Variants in FAM120AOS observed in about 807,000 individuals in gnomAD.
FAM120AOS encodes family with sequence similarity 120 member A opposite strand.
In FAM120AOS, 15 loss-of-function variants were observed where a neutral mutation model predicts 20.2. That is an observed-to-expected ratio of 0.74 (90% CI 0.50 to 1.15). FAM120AOS has a LOEUF of 1.15. Ranked by LOEUF, FAM120AOS falls within the 50% of genes most tolerant of loss-of-function variation. FAM120AOS has a pLI of 0.00. For missense variants in FAM120AOS, 327 were observed against 351.9 expected (o/e 0.93, Z 0.57); for synonymous variants, 154 against 154.0 (o/e 1.00, Z 0.00).
At position 93,452,566 on chromosome 9, in the gene FAM120AOS, G is replaced by A; in HGVS notation, c.144C>T (p.Gly48=). The A allele has an allele frequency of 6.3e-7, 1 of 1,590,426 alleles. No homozygotes were observed. Among genetic ancestry groups the A allele is most frequent in the Non-Finnish European group, 8.5e-7 (1 of 1,175,414 alleles). ...GCAAGATGGATGGCCGCGGGTGCAG[G>A]CCGCGCGCTGCCCAAGCCCGTCTCC... is the stretch of plus-strand genomic sequence containing the variant. ...DSWRRAWAAR[G]LHPRPSILQP... is the part of the protein sequence containing the mutation. Residue 48 remains glycine, a synonymous_variant, in exon 1 of 3, where the codon GGC becomes GGT. Coordinates refer to ENST00000375412, the MANE Select transcript of FAM120AOS (RefSeq NM_198841.4). This position sits in a 1 kb window ranked among gnomAD's most constrained non-coding sequence, Gnocchi z 7.0.
rs779895329 is a variant in FAM120AOS, at chr9:93,452,225, C to T, written c.485G>A (p.Arg162Gln). 1 of 1,611,286 alleles carries T rather than the reference C, an allele frequency of 6.2e-7. No homozygotes were observed. The change falls in exon 1 of 3, where the codon CGG (arginine) becomes CAG (glutamine). Residue 162 changes from arginine (R) to glutamine (Q), a missense_variant. By Grantham distance (43) the Arg-to-Gln change is conservative. This residue lies in a region of FAM120AOS where 86 missense variants were observed against 140.2 expected (regional missense o/e 0.61). Transcript: ENST00000375412. This position sits in a 1 kb window ranked among gnomAD's most constrained non-coding sequence, Gnocchi z 7.0. The part of the protein sequence containing the change: ...LPCRLTHSCS[R>Q]AFSSAPLKKT... ...CTTCAACGGCGCGCTCGAGAAGGCC[C>T]GGCTGCACGAGTGGGTCAAGCGGCA...
chr9:93,447,698 C>T lies in FAM120AOS; in HGVS notation c.685-1G>A. On this transcript the variant is annotated splice_acceptor_variant, in intron 2 of 2. Transcript: ENST00000375412. LOFTEE classifies it high-confidence loss of function. ...TATTGACAGAACAGCTTCTGGAAAT[C>T]TGAAAAGAAAAAAAAAAAGGTAGTT... 1.9e-6 allele frequency: 3 copies of T among 1,596,184 alleles called. No homozygotes were observed. The highest frequency in any genetic ancestry group is 1.8e-5 in the Admixed American group (1 of 56,746).
intron 1 of FAM120AOS, chr9:93,450,935 T>G (rs1857129631): frequency 1.4e-5 from 18 of 1,294,678 alleles, no homozygotes; most frequent in Middle Eastern, 1.8e-4. Context: ...TTTCCCACGC[T>G]GCAACAGACC....
At position 93,453,105 on chromosome 9, in the gene FAM120AOS, CT is replaced by C; in HGVS notation, c.-397del. 1 of 1,028,648 alleles carries C rather than the reference CT, an allele frequency of 9.7e-7. No individual in the cohort carries two copies. The highest frequency in any genetic ancestry group is 1.2e-6 in the Non-Finnish European group (1 of 858,220). The allele number at this position is 1,028,648 out of a possible 1,614,324, so 63.7% of individuals were successfully genotyped here. A position where few individuals can be genotyped will look rare whatever the true frequency, so the allele number is the denominator to read the frequency against. ...GACTTCACGTCCGTGTGAAAGAGGT[CT>C]TTAAGGCAGTTCGGTTTTGTAGATC... On this transcript the variant is annotated 5_prime_UTR_variant, in exon 1 of 3. The change creates a premature stop within an existing upstream ORF in the 5' untranslated region. Transcript: ENST00000375412.
Position 93,452,881 on chromosome 9 carries a change from G to A in FAM120AOS, c.-172C>T. On this transcript the variant is annotated 5_prime_UTR_variant, in exon 1 of 3. Transcript: ENST00000375412. The surrounding 1 kb of genome is among the most constrained non-coding windows in gnomAD (Gnocchi z 7.0). ...GGGGGCTGCAAATATCAGTGCTGCT[G>A]CCGCCGCCCTTGCCAATGTTGTTAG... is the stretch of plus-strand genomic sequence containing the variant. 8 of 1,450,384 alleles carry A rather than the reference G, an allele frequency of 5.5e-6. No individual in the cohort carries two copies. The Admixed American group carries it at 8.5e-5, about 15-fold the overall frequency. The allele number at this position is 1,450,384 out of a possible 1,614,324, so 89.8% of individuals were successfully genotyped here.
At chr9:93,451,168 G>T (rs1857156192) in intron 1 of FAM120AOS, 16 of 1,549,918 alleles carry the variant, frequency 1.0e-5, no homozygotes, top group Non-Finnish European at 1.3e-5. Context: ...CCGCTCTCCC[G>T]GACCCCGCAG....
chr9:93,451,239 C>T, intron 1 of FAM120AOS: 1 of 1,521,438 alleles, frequency 6.6e-7, no homozygotes, highest in Non-Finnish European at 8.8e-7. Flanking sequence ...AAGGCGGCGT[C>T]CCGACGAACA....
chr9:93,452,712 T>C lies in FAM120AOS; in HGVS notation c.-3A>G, dbSNP rs764053410. The stretch of plus-strand genomic sequence containing the variant: ...CCAATATCCTTAGTTTTTCCCATCC[T>C]ATTTGAGGCGGGCAGGCTATCACTC... On this transcript the variant is annotated 5_prime_UTR_variant, in exon 1 of 3. It adds an upstream start codon to the 5' untranslated region. Transcript: ENST00000375412. This position sits in a 1 kb window ranked among gnomAD's most constrained non-coding sequence, Gnocchi z 7.0. 2.5e-6 allele frequency: 4 copies of C among 1,598,502 alleles called. No homozygotes were observed. The highest frequency in any genetic ancestry group is 3.4e-6 in the Non-Finnish European group (4 of 1,179,850).
chr9:93,451,727 T>G, intron 1 of FAM120AOS: 1 of 970,404 alleles, frequency 1.0e-6, no homozygotes, highest in Non-Finnish European at 1.2e-6. Flanking sequence ...GGCAGGTCCC[T>G]CCCCAGACAT....
chr9:93,451,482 G>A (rs1857188214), intron 1 of FAM120AOS: 3 of 1,065,306 alleles, frequency 2.8e-6, no homozygotes, highest in Admixed American at 5.0e-5. Flanking sequence ...GCCTGCTCCG[G>A]CTCAGAAGCC....
At position 93,452,904 on chromosome 9, in the gene FAM120AOS, T is replaced by G; in HGVS notation, c.-195A>C. 2 of 1,435,182 alleles carry G rather than the reference T, an allele frequency of 1.4e-6. No homozygotes were observed. Among genetic ancestry groups the G allele is most frequent in the Non-Finnish European group, 9.1e-7 (1 of 1,102,308 alleles). The allele number at this position is 1,435,182 out of a possible 1,614,324, so 88.9% of individuals were successfully genotyped here. ...CTGCCGCCGCCCTTGCCAATGTTGTTAGCCCGGTGACAGCGAGACGTGTCT... is the reference window on the plus strand; with the variant it reads ...CTGCCGCCGCCCTTGCCAATGTTGTGAGCCCGGTGACAGCGAGACGTGTCT... On this transcript the variant is annotated 5_prime_UTR_variant, in exon 1 of 3. Coordinates refer to ENST00000375412, the MANE Select transcript of FAM120AOS (RefSeq NM_198841.4). The surrounding 1 kb of genome is among the most constrained non-coding windows in gnomAD (Gnocchi z 7.0).
chr9:93,451,527 C>T, intron 1 of FAM120AOS: 1 of 992,358 alleles, frequency 1.0e-6, no homozygotes, highest in African/African-American at 1.7e-5. Context: ...TCCGGGCCTC[C>T]GCCTCCGCCG....
rs565152529 is a variant in FAM120AOS at position 93,445,753 on chromosome 9, A to T, written c.*1858T>A. Among the ~76,000 whole-genome samples, 20 of 151,986 alleles carry T rather than the reference A, an allele frequency of 1.3e-4. No individual in the cohort carries two copies. Among genetic ancestry groups the T allele is most frequent in the Non-Finnish European group, 2.6e-4 (18 of 67,968 alleles). The stretch of plus-strand genomic sequence containing the variant: ...CTACAGGTGCACACCTCACCTGGCT[A>T]ATTTTTGGATTTTTTGTAGACAATG... On this transcript the variant is annotated 3_prime_UTR_variant, in exon 3 of 3. Transcript: ENST00000375412.
intron 2 of FAM120AOS, 148 bp downstream of exon 2, chr9:93,450,331 A>C: frequency 8.1e-7 from 1 of 1,229,772 alleles, no homozygotes; most frequent in Non-Finnish European, 1.1e-6. Flanking sequence ...TTTGTGACTA[A>C]TTTTATGCAT....
chr9:93,450,989 G>C, intron 1 of FAM120AOS: 1 of 1,525,450 alleles, frequency 6.6e-7, no homozygotes, highest in Non-Finnish European at 8.9e-7. Flanking sequence ...AGGCGCTTAG[G>C]GCTACCTGTA....
rs1856854757 is a variant in FAM120AOS, at chr9:93,446,683, C to A, written c.*928G>T. On this transcript the variant is annotated 3_prime_UTR_variant, in exon 3 of 3. Transcript: ENST00000375412. ...TCCATAGCAGCTCTCACTGCCCACC[C>A]TGCTTGAGAAGCCTCTTGGAGTTGC... The A allele has an allele frequency of 6.6e-6, 1 of 152,178 alleles. No individual in the cohort carries two copies. The highest frequency in any genetic ancestry group is 2.1e-4 in the South Asian group (1 of 4,820). The allele number at this position is 152,178 out of a possible 1,614,324, so 9.4% of individuals were successfully genotyped here.
intron 1 of FAM120AOS, chr9:93,450,907 C>A (rs902106031): frequency 4.5e-5 from 47 of 1,051,802 alleles, no homozygotes; most frequent in Middle Eastern, 2.1e-4. Flanking sequence ...CTAGCCATTG[C>A]GCAGTGGTAA....
At chr9:93,450,676 A>G in intron 1 of FAM120AOS, 77 bp from the exon 2 acceptor site, 1 of 1,570,932 alleles carries the variant, frequency 6.4e-7, no homozygotes, top group Non-Finnish European at 8.7e-7. Flanking sequence ...CTGGGTTTCT[A>G]AATTTATATT....
At chr9:93,449,526 C>G (rs1158801343) in intron 2 of FAM120AOS, among the ~76,000 whole-genome samples, 2 of 133,034 alleles carry the variant, frequency 1.5e-5, no homozygotes, top group Non-Finnish European at 3.1e-5. Context: ...GATGGAGCCT[C>G]GCTCTGTTGC....
Sources: allele counts gnomAD v4.1 joint callset (sites outside exome capture counted in the v4.1 genomes callset), GRCh38; gene constraint gnomAD v4.1.1; regional missense constraint gnomAD v4.1.1; non-coding constraint Gnocchi (gnomAD v3.1); transcripts MANE v1.5; gene names NCBI Gene and HGNC (gene_info 2026-07-23, HGNC 2026-07-21).